MRPS33: variants seen among roughly 807,000 people sequenced by gnomAD.
The protein encoded by MRPS33 is small ribosomal subunit protein mS33.
Under a neutral mutation model 11.2 loss-of-function variants are expected in MRPS33, and 11 were observed. The ratio of observed to expected loss-of-function variants is 0.99; its 90% CI spans 0.62 to 1.63. The LOEUF (loss-of-function observed/expected upper bound fraction) is 1.63, where lower values mean the gene tolerates loss of function less well. MRPS33 is among the 40% of genes most tolerant of loss of function. The pLI, the probability that MRPS33 is intolerant of heterozygous loss-of-function variation, is 0.00. For missense variants in MRPS33, 109 were observed against 127.8 expected, an observed-to-expected ratio of 0.85 and a Z score of 0.71; for synonymous variants, 46 against 44.0, an observed-to-expected ratio of 1.05 and a Z score of -0.18.
intron 2 of MRPS33, 54 bp from the exon 3 acceptor site, chr7:141,006,589 A>T (rs2129164198): frequency 6.9e-7 from 1 of 1,439,156 alleles, no homozygotes; most frequent in Non-Finnish European, 9.7e-7. Context: ...GTAGAAAAGT[A>T]CACTAATCTA....
At chr7:141,009,626 G>C (rs1820623197) in intron 2 of MRPS33, 1 of 152,190 alleles carries the variant, frequency 6.6e-6, no homozygotes, top group African/African-American at 2.4e-5. Context: ...ACAGTAGGAA[G>C]AAATGTCAAC....
At position 141,006,260 on chromosome 7, in the gene MRPS33, A is replaced by G; in HGVS notation, c.*170T>C. The stretch of plus-strand genomic sequence containing the variant: ...ATTTTGCACAGTTAGAATGTGTTCA[A>G]GAAACCAGCCACAATGTAACCGGAT... On this transcript the variant is annotated 3_prime_UTR_variant, in exon 3 of 3. Transcript: ENST00000324787. 1 of 649,644 alleles carries G rather than the reference A, an allele frequency of 1.5e-6. No individual in the cohort carries two copies. Among genetic ancestry groups the G allele is most frequent in the Non-Finnish European group, 2.6e-6 (1 of 379,860 alleles). 40.2% of individuals were successfully genotyped at this position (649,644 alleles called of 1,614,324 possible).
chr7:141,014,652 G>C (rs1820756818), intron 1 of MRPS33: 1 of 152,224 alleles, frequency 6.6e-6, no homozygotes, highest in Non-Finnish European at 1.5e-5. Context: ...GCCTTCTACT[G>C]TTAACCAATA....
Position 141,002,831 on chromosome 7 carries a change from G to A in MRPS33, c.*3599C>T, listed in dbSNP as rs1441950298. ...ACCTATCATGCTGCTTGTAAACGTG[G>A]GGAACTTTATATTTTTAGGAGATAC... On this transcript the variant is annotated 3_prime_UTR_variant, in exon 3 of 3. Transcript: ENST00000324787. 6.5e-6 allele frequency: 1 copy of A among 154,850 alleles called. No homozygotes were observed. The highest frequency in any genetic ancestry group is 1.9e-4 in the East Asian group (1 of 5,316). The allele number at this position is 154,850 out of a possible 1,614,324, so 9.6% of individuals were successfully genotyped here.
chr7:141,009,154 T>TA (rs1229149218), intron 2 of MRPS33, among the ~76,000 whole-genome samples: 3 of 151,380 alleles, frequency 2.0e-5, no homozygotes, highest in Non-Finnish European at 4.4e-5. Context: ...TTTTTTGAGA[T>TA]AGAGTCTTGC....
chr7:141,010,708 A>C (rs938778642), intron 1 of MRPS33, 48 bp from the exon 2 acceptor site: 2 of 1,362,364 alleles, frequency 1.5e-6, no homozygotes, highest in African/African-American at 2.9e-5. Flanking sequence ...AAGAAATTCC[A>C]AGATTAGCTA....
At chr7:141,012,898 T>G (rs1363367245) in intron 1 of MRPS33, among the ~76,000 whole-genome samples, 1 of 152,194 alleles carries the variant, frequency 6.6e-6, no homozygotes, top group Non-Finnish European at 1.5e-5. Flanking sequence ...TGAGTCTCCT[T>G]TTCTGAAAAC....
chr7:141,012,013 T>C (rs375103178), intron 1 of MRPS33, among the ~76,000 whole-genome samples: 1 of 73,198 alleles, frequency 1.4e-5, no homozygotes, highest in African/African-American at 5.0e-5. Context: ...CAAAAGAAAA[T>C]AAGAAAATTA....
intron 1 of MRPS33, among the ~76,000 whole-genome samples, chr7:141,012,290 G>A (rs1166849555): frequency 1.3e-5 from 2 of 151,720 alleles, no homozygotes; most frequent in African/African-American, 2.4e-5. Context: ...GGCTGGCAAC[G>A]GTAGAACTGT....
chr7:141,012,335 T>C (rs1243262421), intron 1 of MRPS33, among the ~76,000 whole-genome samples: 2 of 152,142 alleles, frequency 1.3e-5, no homozygotes, highest in African/African-American at 2.4e-5. Flanking sequence ...CCCCACCATC[T>C]GCAGATCACC....
Position 141,006,129 on chromosome 7 carries a change from C to T in MRPS33, c.*301G>A. The T allele has an allele frequency of 2.8e-6, 1 of 359,222 alleles. No homozygotes were observed. The highest frequency in any genetic ancestry group is 5.1e-6 in the Non-Finnish European group (1 of 195,084). 22.3% of individuals were successfully genotyped at this position (359,222 alleles called of 1,614,324 possible). ...ACTTAATGAGGTTTCCCCTCCATTC[C>T]CCCAGCATCCCATCCCACCCCAAAC... On this transcript the variant is annotated 3_prime_UTR_variant, in exon 3 of 3. Coordinates refer to ENST00000324787, the MANE Select transcript of MRPS33 (RefSeq NM_053035.3).
chr7:141,012,173 C>A (rs868473765), intron 1 of MRPS33, among the ~76,000 whole-genome samples: 186 of 58,656 alleles, frequency 3.2e-3, no homozygotes, highest in South Asian at 5.0e-3. Flanking sequence ...GATTGTGTGT[C>A]AAAAAAAAAA....
chr7:141,006,475 C>T lies in MRPS33; in HGVS notation c.276G>A (p.Glu92=), dbSNP rs778275007. 51 of 1,613,918 alleles carry T rather than the reference C, an allele frequency of 3.2e-5. No homozygotes were observed. Among genetic ancestry groups the T allele is most frequent in the Non-Finnish European group, 8.5e-7 (1 of 1,180,040 alleles). The part of the protein sequence containing the change: ...QKRLKKLRGK[E]KPKKGEGKRA... ...TTTTCCCTTCTCCTTTCTTTGGTTT[C>T]TCCTTTCCACGAAGCTTCTTTAGTC... Residue 92 remains glutamate, a synonymous_variant, in exon 3 of 3, where the codon GAG becomes GAA. Transcript: ENST00000324787.
In MRPS33 at chr7:141,006,481, T is replaced by C; in HGVS notation, c.270A>G (p.Gly90=). 1 of 1,614,098 alleles carries C rather than the reference T, an allele frequency of 6.2e-7. No individual in the cohort carries two copies. Among genetic ancestry groups the C allele is most frequent in the Admixed American group, 1.7e-5 (1 of 60,032 alleles). Reference sequence around the variant, plus strand: ...CTTCTCCTTTCTTTGGTTTCTCCTTTCCACGAAGCTTCTTTAGTCGTTTTT... The same window carrying C: ...CTTCTCCTTTCTTTGGTTTCTCCTTCCCACGAAGCTTCTTTAGTCGTTTTT... ...DEQKRLKKLR[G]KEKPKKGEGK... Residue 90 remains glycine (G), a synonymous_variant, in exon 3 of 3, where the codon GGA becomes GGG. Coordinates refer to ENST00000324787, the MANE Select transcript of MRPS33 (RefSeq NM_053035.3).
In MRPS33 at chr7:141,006,227, C is replaced by G. The variant is rs1489434968; in HGVS notation, c.*203G>C. On this transcript the variant is annotated 3_prime_UTR_variant, in exon 3 of 3. Transcript: ENST00000324787. ...TAAACCTCACATTACACGGCCAAGG[C>G]CAAGATAATTTTGCACAGTTAGAAT... The G allele has an allele frequency of 5.2e-6, 3 of 580,286 alleles. No homozygotes were observed. Among genetic ancestry groups the G allele is most frequent in the East Asian group, 2.9e-5 (1 of 34,832 alleles). The allele number at this position is 580,286 out of a possible 1,614,324, so 35.9% of individuals were successfully genotyped here. A position where few individuals can be genotyped will look rare whatever the true frequency, so the allele number is the denominator to read the frequency against.
intron 1 of MRPS33, 110 bp from the exon 2 acceptor site, chr7:141,010,770 G>T: frequency 1.3e-6 from 1 of 772,172 alleles, no homozygotes; most frequent in Non-Finnish European, 2.2e-6. Flanking sequence ...GATCAGTGCA[G>T]TGTTGGCAGG....
In MRPS33 at chr7:141,003,590, A is replaced by G. The variant is rs1471331767; in HGVS notation, c.*2840T>C. On this transcript the variant is annotated 3_prime_UTR_variant, in exon 3 of 3. Transcript: ENST00000324787. ...TCTGAGATCTCACTGAAGCTCTTCCATCGGCAAACCAATACATCGATTCTT... is the reference window on the plus strand; with the variant it reads ...TCTGAGATCTCACTGAAGCTCTTCCGTCGGCAAACCAATACATCGATTCTT... The G allele has an allele frequency of 6.6e-6, 1 of 152,256 alleles. No individual in the cohort carries two copies. The highest frequency in any genetic ancestry group is 2.4e-5 in the African/African-American group (1 of 41,470). The allele number at this position is 152,256 out of a possible 1,614,324, so 9.4% of individuals were successfully genotyped here. A position where few individuals can be genotyped will look rare whatever the true frequency, so the allele number is the denominator to read the frequency against.
At chr7:141,007,009 T>C (rs1586728848) in intron 2 of MRPS33, among the ~76,000 whole-genome samples, 1 of 152,072 alleles carries the variant, frequency 6.6e-6, no homozygotes, top group South Asian at 2.1e-4. Flanking sequence ...TGGCAGCAGG[T>C]AACTCACACA....
chr7:141,013,718 A>C (rs537801425), intron 1 of MRPS33, among the ~76,000 whole-genome samples: 1 of 152,366 alleles, frequency 6.6e-6, no homozygotes, highest in South Asian at 2.1e-4. Context: ...GAAAATGCTA[A>C]GCAAAAACAA....
Sources: gnomAD v4.1 joint callset for allele counts (sites outside exome capture counted in the v4.1 genomes callset) on GRCh38, gnomAD v4.1.1 for gene constraint, MANE v1.5 for transcripts, NCBI Gene and HGNC (gene_info 2026-07-23, HGNC 2026-07-21) for gene names.